IQSEC2: variants seen among roughly 807,000 people sequenced by gnomAD.
IQSEC2 encodes IQ motif and Sec7 domain ArfGEF 2, also known as IQ motif and SEC7 domain-containing protein 2.
A neutral mutation model predicts 74.6 loss-of-function variants in IQSEC2; 6 were observed. That is an observed-to-expected ratio of 0.08 (90% CI 0.04 to 0.16). IQSEC2 has a LOEUF of 0.16. Among genes scored for constraint, IQSEC2 ranks in the 10% least tolerant of loss-of-function variants. The probability of loss-of-function intolerance (pLI) is 1.00; values close to 1 mark genes in which losing one functional copy is unlikely to be tolerated. For synonymous variants in IQSEC2, 494 were observed against 544.5 expected, an observed-to-expected ratio of 0.91 and a Z score of 1.29; for missense variants, 734 against 1,306.2, an observed-to-expected ratio of 0.56 and a Z score of 6.75.
intron 1 of IQSEC2, among the ~76,000 whole-genome samples, chrX:53,300,758 G>C (rs1222439933): frequency 1.8e-5 from 2 of 111,787 alleles, no homozygotes; most frequent in Non-Finnish European, 3.8e-5. Context: ...GTGTGTGCAA[G>C]GAAGCCTATC....
chrX:53,255,998 G>A lies in IQSEC2; in HGVS notation c.801C>T (p.Pro267=), dbSNP rs2074461496. 8.4e-7 allele frequency: 1 copy of A among 1,188,283 alleles called. No homozygotes were observed. The highest frequency in any genetic ancestry group is 1.1e-6 in the Non-Finnish European group (1 of 882,481). ...GGGGCAGCTGGCTCAGCCGGTAGGG[G>A]GGTTGGCTCCCAGGACTATCAACCG... is the stretch of plus-strand genomic sequence containing the variant. ...STAVDSPGSQ[P]PYRLSQLPPS... Residue 267 remains proline (P), a synonymous_variant, in exon 3 of 15, where the codon CCC becomes CCT. Coordinates refer to ENST00000642864, the MANE Select transcript of IQSEC2 (RefSeq NM_001111125.3).
intron 2 of IQSEC2, among the ~76,000 whole-genome samples, chrX:53,270,449 A>G (rs2074725381): frequency 9.1e-6 from 1 of 110,483 alleles, no homozygotes; most frequent in Non-Finnish European, 1.9e-5. Flanking sequence ...TTCTATCTGG[A>G]ACATCGTCCC....
At chrX:53,263,084 C>A (rs1556866840) in intron 2 of IQSEC2, among the ~76,000 whole-genome samples, 1 of 112,348 alleles carries the variant, frequency 8.9e-6, no homozygotes, top group East Asian at 2.8e-4. Context: ...GCAGTCCCTT[C>A]AAGGTACAGT....
At chrX:53,248,590 G>T in intron 6 of IQSEC2, 131 bp downstream of exon 6, 2 of 704,930 alleles carry the variant, frequency 2.8e-6, no homozygotes, top group South Asian at 2.7e-5. Flanking sequence ...AAGGGTACAG[G>T]GGCAGGAAGG....
chrX:53,278,869 C>T (rs1263087570), intron 2 of IQSEC2, among the ~76,000 whole-genome samples: 2 of 112,272 alleles, frequency 1.8e-5, no homozygotes, highest in Non-Finnish European at 3.8e-5. Context: ...AATAGGTTTT[C>T]TAATTAACTT....
At chrX:53,283,181 A>G (rs2074992458) in intron 2 of IQSEC2, among the ~76,000 whole-genome samples, 1 of 112,367 alleles carries the variant, frequency 8.9e-6, no homozygotes, top group African/African-American at 3.2e-5. Context: ...ATGCCGCTGC[A>G]CTCCAGCCTG....
At chrX:53,273,070 C>T (rs2074768034) in intron 2 of IQSEC2, among the ~76,000 whole-genome samples, 1 of 110,472 alleles carries the variant, frequency 9.1e-6, no homozygotes, top group African/African-American at 3.3e-5. Flanking sequence ...CCAGAGTCAC[C>T]GAGTTGGTAA....
Position 53,233,763 on chromosome X carries a change from C to T in IQSEC2, c.*456G>A. The T allele has an allele frequency of 3.4e-6, 1 of 296,033 alleles. No homozygotes were observed. Among genetic ancestry groups the T allele is most frequent in the East Asian group, 4.8e-5 (1 of 20,943 alleles). 24.4% of individuals were successfully genotyped at this position (296,033 alleles called of 1,213,427 possible). Reference sequence around the variant, plus strand: ...CAGCTGAAGTTTGGCCACAACTCTACAGAGCGCTCTCCTAGCCCCACACGG... The same window carrying T: ...CAGCTGAAGTTTGGCCACAACTCTATAGAGCGCTCTCCTAGCCCCACACGG... On this transcript the variant is annotated 3_prime_UTR_variant, in exon 15 of 15. Transcript: ENST00000642864.
At chrX:53,232,646 G>A (rs2074070464), downstream of IQSEC2, among the ~76,000 whole-genome samples, 1 of 111,774 alleles carries the variant, frequency 8.9e-6, no homozygotes, top group Non-Finnish European at 1.9e-5. Flanking sequence ...ACCCCAGGAT[G>A]TGAACTGGAT....
downstream of IQSEC2, chrX:53,227,750 G>A (rs1410421168): frequency 8.9e-5 from 20 of 224,523 alleles, no homozygotes; most frequent in African/African-American, 5.8e-4. Flanking sequence ...CCATCTAGAG[G>A]CTCAAGGAAG....
rs186768577 is a variant in IQSEC2, at chrX:53,255,332, C to T, written c.1000-401G>A. Among the ~76,000 whole-genome samples, 20 of 111,509 alleles carry T rather than the reference C, an allele frequency of 1.8e-4. No individual in the cohort carries two copies. The East Asian group carries it at 5.7e-3, about 32-fold the overall frequency. On this transcript the variant is annotated intron_variant, in intron 3 of 14. Transcript: ENST00000642864. The stretch of plus-strand genomic sequence containing the variant: ...GAAGGTAGGTAGGTAGGTTGAATTA[C>T]CTACATTCCAAACACCTAAGCATAA...
rs1556880026 is a variant in IQSEC2 at position 53,320,543 on chromosome X, A to G, written c.581T>C (p.Val194Ala). The G allele has an allele frequency of 8.7e-6, 10 of 1,154,566 alleles. No individual in the cohort carries two copies. Among genetic ancestry groups the G allele is most frequent in the Admixed American group, 2.6e-5 (1 of 37,969 alleles). ...KEAGYSAAVG[V>A]GPRPPRERGQ... ...CCGCTCCCGCGGTGGCCGCGGCCCC[A>G]CGCCCACCGCCGCCGAATAGCCCGC... The change falls in exon 1 of 15, where the codon GTG (valine) becomes GCG (alanine). Residue 194 changes from valine (V) to alanine (A), a missense_variant. By Grantham distance (64) the Val-to-Ala change is moderately conservative. This residue lies in a region of IQSEC2 where 134 missense variants were observed against 214.9 expected (regional missense o/e 0.62). Coordinates refer to ENST00000642864, the MANE Select transcript of IQSEC2 (RefSeq NM_001111125.3).
chrX:53,267,101 G>T (rs1556867863), intron 2 of IQSEC2: 1 of 1,137,445 alleles, frequency 8.8e-7, no homozygotes, highest in Admixed American at 2.7e-5. Context: ...GCCACAGGCG[G>T]TGGGTGACAG....
At chrX:53,260,890 C>A in intron 2 of IQSEC2, among the ~76,000 whole-genome samples, 1 of 111,323 alleles carries the variant, frequency 9.0e-6, no homozygotes, top group Non-Finnish European at 1.9e-5. Flanking sequence ...GGATTCAAAC[C>A]CAGGGCCCAG....
chrX:53,258,797 T>C (rs1196376619), intron 2 of IQSEC2, among the ~76,000 whole-genome samples: 2 of 110,179 alleles, frequency 1.8e-5, no homozygotes, highest in Admixed American at 1.9e-4. Context: ...TGAGCCAAGA[T>C]TGTGCCACTG....
intron 2 of IQSEC2, among the ~76,000 whole-genome samples, chrX:53,284,447 ATG>A (rs1300553265): frequency 9.1e-6 from 1 of 109,455 alleles, no homozygotes; most frequent in Non-Finnish European, 1.9e-5. Flanking sequence ...ATTAAAGAGA[ATG>A]TGTGTCAAAT....
chrX:53,309,564 GC>G (rs1556877529), intron 1 of IQSEC2, among the ~76,000 whole-genome samples: 2 of 111,268 alleles, frequency 1.8e-5, no homozygotes, highest in African/African-American at 6.5e-5. Context: ...TGACGGGTTG[GC>G]CCCTCCTAAC....
intron 2 of IQSEC2, among the ~76,000 whole-genome samples, chrX:53,278,705 T>C (rs1486456964): frequency 8.9e-6 from 1 of 112,556 alleles, no homozygotes; most frequent in Non-Finnish European, 1.9e-5. Flanking sequence ...GTTGTAGTAT[T>C]CTCACTGACA....
At chrX:53,246,020 G>A (rs1556862026) in intron 8 of IQSEC2, among the ~76,000 whole-genome samples, 1 of 110,275 alleles carries the variant, frequency 9.1e-6, no homozygotes, top group Non-Finnish European at 1.9e-5. Context: ...GCACCACCAT[G>A]CCTGCTAATT....
Sources: gnomAD v4.1 joint callset for allele counts (sites outside exome capture counted in the v4.1 genomes callset) on GRCh38, gnomAD v4.1.1 for gene constraint, gnomAD v4.1.1 regional missense constraint, MANE v1.5 for transcripts, NCBI Gene and HGNC (gene_info 2026-07-23, HGNC 2026-07-21) for gene names.